The following KCNK10 variants were observed in gnomAD, a reference collection of about 807,000 sequenced individuals.
KCNK10 encodes the protein potassium two pore domain channel subfamily K member 10, also known as potassium channel subfamily K member 10.
Under a neutral mutation model 47.7 loss-of-function variants are expected in KCNK10, and 25 were observed. The observed-to-expected ratio is 0.52, with a 90% CI of 0.38 to 0.73. The LOEUF (loss-of-function observed/expected upper bound fraction) is 0.73, where lower values mean the gene tolerates loss of function less well. Ranked by LOEUF, KCNK10 falls within the 30% of genes least tolerant of loss-of-function variation. The pLI is 0.00. For missense variants in KCNK10, 563 were observed against 714.5 expected, an observed-to-expected ratio of 0.79 and a Z score of 2.42; for synonymous variants, 303 against 285.6, an observed-to-expected ratio of 1.06 and a Z score of -0.61.
chr14:88,219,497 T>C (rs1885729025), intron 4 of KCNK10, among the ~76,000 whole-genome samples: 1 of 152,188 alleles, frequency 6.6e-6, no homozygotes, highest in African/African-American at 2.4e-5. Flanking sequence ...CTGTTTGTGA[T>C]AGGCTAGCTT....
intron 4 of KCNK10, among the ~76,000 whole-genome samples, chr14:88,204,610 G>A (rs996110094): frequency 1.2e-4 from 16 of 133,404 alleles, no homozygotes; most frequent in African/African-American, 4.6e-4. Context: ...GCTGCAGGCA[G>A]GTAGTTGCTG....
At position 88,304,760 on chromosome 14, in the gene KCNK10, A is replaced by C. The variant is rs183430935; in HGVS notation, c.52+17987T>G. On this transcript the variant is annotated intron_variant, in intron 1 of 6. Coordinates refer to ENST00000319231, the MANE Select transcript of KCNK10 (RefSeq NM_138317.3). ...AAGATGCGAGGTGCCTTATGGAGAA[A>C]ATATGTGTGTTAGATAACTTTGTTC... Among the ~76,000 whole-genome samples the C allele has an allele frequency of 6.3e-3, 956 of 152,356 alleles. 5 individuals carry two copies. The highest frequency in any genetic ancestry group is 9.3e-3 in the Non-Finnish European group (630 of 68,036).
At chr14:88,195,325 A>C (rs778757633) in intron 4 of KCNK10, among the ~76,000 whole-genome samples, 2 of 152,198 alleles carry the variant, frequency 1.3e-5, no homozygotes, top group Non-Finnish European at 2.9e-5. Flanking sequence ...ATCCCACCTC[A>C]TCGGATTGTT....
chr14:88,253,119 A>T (rs1886845352), intron 2 of KCNK10, among the ~76,000 whole-genome samples: 1 of 152,174 alleles, frequency 6.6e-6, no homozygotes, highest in South Asian at 2.1e-4. Flanking sequence ...CTCTTGGTGC[A>T]ATGGAGAGAG....
At chr14:88,277,985 G>A (rs1360323897) in intron 1 of KCNK10, among the ~76,000 whole-genome samples, 2 of 152,162 alleles carry the variant, frequency 1.3e-5, no homozygotes, top group East Asian at 1.9e-4. Flanking sequence ...AAAAGGGCTC[G>A]ATTAATGTTC....
chr14:88,307,545 AC>A, intron 1 of KCNK10, among the ~76,000 whole-genome samples: 1 of 152,348 alleles, frequency 6.6e-6, no homozygotes, highest in East Asian at 1.9e-4. Context: ...TGATGATTGC[AC>A]AACTCTGTGA....
intron 3 of KCNK10, 113 bp downstream of exon 3, chr14:88,240,590 A>C (rs1285378397): frequency 1.3e-5 from 9 of 675,404 alleles, no homozygotes; most frequent in African/African-American, 8.9e-5. Flanking sequence ...AGTGTTTCGT[A>C]AGCCTCCTCT....
At chr14:88,295,390 G>A (rs968504131) in intron 1 of KCNK10, among the ~76,000 whole-genome samples, 3 of 152,126 alleles carry the variant, frequency 2.0e-5, no homozygotes, top group African/African-American at 7.2e-5. Context: ...TCCTTGAGAT[G>A]GTGGCTCACC....
rs1595116437 is a variant in KCNK10, at chr14:88,270,638, CA to C, written c.53-7088del. 8 of 768,418 alleles carry C rather than the reference CA, an allele frequency of 1.0e-5. No homozygotes were observed. In the Middle Eastern group the frequency reaches 1.1e-3, roughly 110 times the overall value. 47.6% of individuals were successfully genotyped at this position (768,418 alleles called of 1,614,324 possible). A position where few individuals can be genotyped will look rare whatever the true frequency, so the allele number is the denominator to read the frequency against. ...CTATGGAGCCATGAGAAGAGGAAAA[CA>C]AGGCAGACTGGGGGGAAGAGGGAGC... On this transcript the variant is annotated intron_variant, in intron 1 of 6. Transcript: ENST00000319231.
At chr14:88,270,277 G>C (rs185574021) in intron 1 of KCNK10, among the ~76,000 whole-genome samples, 2 of 152,152 alleles carry the variant, frequency 1.3e-5, no homozygotes, top group Admixed American at 6.5e-5. Flanking sequence ...GATGAGGAGC[G>C]CAGGATTCCA....
rs1472770264 is a variant in KCNK10, at chr14:88,185,856, G to C, written c.1311C>G (p.Asn437Lys). Residue 437 changes from asparagine (N) to lysine (K), a missense_variant, in exon 7 of 7, where the codon AAC becomes AAG. Physicochemically the swap from Asn to Lys is moderately conservative, Grantham distance 94. Transcript: ENST00000319231. The surrounding 1 kb of genome is among the most constrained non-coding windows in gnomAD (Gnocchi z 4.3). ...NLRLKGPEQLNKHGQGASEDN... is the reference protein window; with the variant it reads ...NLRLKGPEQLKKHGQGASEDN... ...CCTCGGACGCACCCTGCCCATGCTT[G>C]TTCAGCTGCTCCGGCCCCTTCAGGC... 2 of 1,614,138 alleles carry C rather than the reference G, an allele frequency of 1.2e-6. No homozygotes were observed. The highest frequency in any genetic ancestry group is 2.2e-5 in the South Asian group (2 of 91,076).
chr14:88,193,127 T>C (rs1017028102), intron 4 of KCNK10, among the ~76,000 whole-genome samples: 3 of 152,214 alleles, frequency 2.0e-5, no homozygotes, highest in African/African-American at 7.2e-5. Context: ...GGAGTTAGCA[T>C]AACAGGGTCC....
intron 1 of KCNK10, among the ~76,000 whole-genome samples, chr14:88,293,925 T>C (rs769483900): frequency 6.6e-6 from 1 of 152,158 alleles, no homozygotes; most frequent in Non-Finnish European, 1.5e-5. Context: ...GCGATCCTCC[T>C]GCCTCAGCCT....
intron 1 of KCNK10, among the ~76,000 whole-genome samples, chr14:88,302,749 G>A (rs1888129292): frequency 6.6e-6 from 1 of 152,072 alleles, no homozygotes; most frequent in Non-Finnish European, 1.5e-5. Flanking sequence ...AAACCCAGAG[G>A]AAATGATGTC....
At chr14:88,206,509 T>A (rs67112596) in intron 4 of KCNK10, among the ~76,000 whole-genome samples, 38,196 of 152,184 alleles carry the variant, frequency 0.25, 5,347 homozygotes, top group Non-Finnish European at 0.31. Flanking sequence ...ACCAAATTTT[T>A]TAAGAATCTG....
At chr14:88,206,625 A>T (rs1595080442) in intron 4 of KCNK10, among the ~76,000 whole-genome samples, 1 of 152,250 alleles carries the variant, frequency 6.6e-6, no homozygotes, top group African/African-American at 2.4e-5. Flanking sequence ...AGTCATCAAC[A>T]CAACATACCT....
intron 1 of KCNK10, among the ~76,000 whole-genome samples, chr14:88,310,151 CT>C (rs1566721394): frequency 3.7e-3 from 25 of 6,774 alleles, no homozygotes; most frequent in Non-Finnish European, 1.3e-3. Flanking sequence ...TAATCCATAT[CT>C]CTCTCATATA....
At chr14:88,254,727 G>A (rs1449957662) in intron 2 of KCNK10, among the ~76,000 whole-genome samples, 1 of 152,174 alleles carries the variant, frequency 6.6e-6, no homozygotes, top group Non-Finnish European at 1.5e-5. Context: ...GGACGTCAAA[G>A]ATAAAGGCTT....
intron 4 of KCNK10, among the ~76,000 whole-genome samples, chr14:88,215,816 C>T (rs1309109709): frequency 5.3e-5 from 8 of 152,100 alleles, no homozygotes; most frequent in Middle Eastern, 3.2e-3. Context: ...ATGATAAACG[C>T]TATCCAGGCA....
Sources: gnomAD v4.1 joint callset for allele counts (sites outside exome capture counted in the v4.1 genomes callset) on GRCh38, gnomAD v4.1.1 for gene constraint, Gnocchi (gnomAD v3.1) non-coding constraint, MANE v1.5 for transcripts, NCBI Gene and HGNC (gene_info 2026-07-23, HGNC 2026-07-21) for gene names.